KIAA0825: variants seen among roughly 807,000 people sequenced by gnomAD.
The protein encoded by KIAA0825 is KIAA0825, also known as uncharacterized protein KIAA0825.
KIAA0825 carries 119 observed loss-of-function variants against 147.6 expected under a neutral mutation model. That is an observed-to-expected ratio of 0.81 (90% CI 0.69 to 0.94). The LOEUF is 0.94. KIAA0825 is among the 40% of genes least tolerant of loss of function. The probability of loss-of-function intolerance (pLI) is 0.00; values close to 1 mark genes in which losing one functional copy is unlikely to be tolerated. For missense variants in KIAA0825, 1,381 were observed against 1,472.7 expected (o/e 0.94, Z 1.02); for synonymous variants, 470 against 518.1 (o/e 0.91, Z 1.26).
chr5:94,578,225 T>G (rs909615132), intron 2 of KIAA0825, among the ~76,000 whole-genome samples: 2 of 152,250 alleles, frequency 1.3e-5, no homozygotes, highest in African/African-American at 4.8e-5. Context: ...TAGTTAATAT[T>G]TATTCACTTA....
intron 20 of KIAA0825, among the ~76,000 whole-genome samples, chr5:94,302,169 C>T (rs374978033): frequency 1.3e-5 from 2 of 152,068 alleles, no homozygotes; most frequent in African/African-American, 4.8e-5. Context: ...AGTCCAAATA[C>T]AGTAGAGATA....
intron 16 of KIAA0825, among the ~76,000 whole-genome samples, chr5:94,403,364 A>G (rs142554627): frequency 6.4e-4 from 98 of 152,334 alleles, no homozygotes; most frequent in African/African-American, 2.2e-3. Context: ...AATAAAGACT[A>G]TGACCATTTG....
intron 20 of KIAA0825, among the ~76,000 whole-genome samples, chr5:94,308,770 G>A (rs1444072654): frequency 6.6e-6 from 1 of 151,720 alleles, no homozygotes; most frequent in African/African-American, 2.4e-5. Context: ...ATCTTAAGAG[G>A]TCTTTCAGTC....
chr5:94,151,135 T>C lies in KIAA0825; in HGVS notation c.*2872A>G, dbSNP rs991182788. ...ACTTCTTATTATACTTAAAAAAACATGGCCGGGCGCGGTGGCTCACGCCTG... is the reference window on the plus strand; with the variant it reads ...ACTTCTTATTATACTTAAAAAAACACGGCCGGGCGCGGTGGCTCACGCCTG... On this transcript the variant is annotated 3_prime_UTR_variant, in exon 21 of 21. Transcript: ENST00000682413. 1.3e-5 allele frequency among the ~76,000 whole-genome samples: 2 copies of C among 151,986 alleles called. No individual in the cohort carries two copies. Among genetic ancestry groups the C allele is most frequent in the South Asian group, 2.1e-4 (1 of 4,828 alleles).
intron 14 of KIAA0825, among the ~76,000 whole-genome samples, chr5:94,435,836 T>C (rs995684581): frequency 6.6e-6 from 1 of 152,186 alleles, no homozygotes; most frequent in Non-Finnish European, 1.5e-5. Flanking sequence ...AGATAGTATC[T>C]CATTGTAGTT....
At chr5:94,186,558 A>G (rs1176945680) in intron 20 of KIAA0825, among the ~76,000 whole-genome samples, 1 of 152,252 alleles carries the variant, frequency 6.6e-6, no homozygotes, top group Non-Finnish European at 1.5e-5. Flanking sequence ...TGAAAAGTAC[A>G]TGGCAAAGTT....
chr5:94,587,938 T>C (rs994274829), intron 1 of KIAA0825, among the ~76,000 whole-genome samples: 6 of 152,134 alleles, frequency 3.9e-5, no homozygotes, highest in Non-Finnish European at 7.4e-5. Context: ...AAACAAGCAA[T>C]GGGGAAAGGA....
At chr5:94,358,030 GTATC>G (rs1744532958) in intron 20 of KIAA0825, among the ~76,000 whole-genome samples, 1 of 151,952 alleles carries the variant, frequency 6.6e-6, no homozygotes, top group African/African-American at 2.4e-5. Context: ...GCTATACACA[GTATC>G]TATCTTCATC....
At chr5:94,452,652 G>C (rs1758563170) in intron 13 of KIAA0825, among the ~76,000 whole-genome samples, 1 of 152,134 alleles carries the variant, frequency 6.6e-6, no homozygotes, top group Non-Finnish European at 1.5e-5. Context: ...TAATTAGCTT[G>C]AGAACTGCCA....
At chr5:94,190,223 A>G (rs888572603) in intron 20 of KIAA0825, among the ~76,000 whole-genome samples, 23 of 152,222 alleles carry the variant, frequency 1.5e-4, no homozygotes, top group Admixed American at 1.5e-3. Context: ...ATTTGCAAAG[A>G]AGGACATCTT....
intron 20 of KIAA0825, among the ~76,000 whole-genome samples, chr5:94,323,828 A>G (rs1780435218): frequency 6.6e-6 from 1 of 151,990 alleles, no homozygotes; most frequent in Non-Finnish European, 1.5e-5. Context: ...TTTATACCCT[A>G]TTACCTTCAA....
At chr5:94,513,512 T>A (rs1766792460) in intron 5 of KIAA0825, among the ~76,000 whole-genome samples, 1 of 152,202 alleles carries the variant, frequency 6.6e-6, no homozygotes. Flanking sequence ...ATTCTTCCTA[T>A]ATGGAAGAAA....
In KIAA0825 at chr5:94,386,413, A is replaced by G; in HGVS notation, c.3457-9T>C. 2 of 1,540,628 alleles carry G rather than the reference A, an allele frequency of 1.3e-6. No homozygotes were observed. Among genetic ancestry groups the G allele is most frequent in the South Asian group, 1.2e-5 (1 of 82,442 alleles). On this transcript the variant is annotated splice_polypyrimidine_tract_variant and intron_variant, in intron 18 of 20. Transcript: ENST00000682413. The stretch of plus-strand genomic sequence containing the variant: ...TGTTCTTTTAAATATTCCTTCAAAG[A>G]AAAGAAATTACAAGTTGTGACGGTG...
rs779873863 is a variant in KIAA0825, at chr5:94,520,676, T to C, written c.542A>G (p.Glu181Gly). ...AATTTTTTGCTGTGAATTGTTTATTTCATTATGGCTTTGTAATTTGCTCAC... is the reference window on the plus strand; with the variant it reads ...AATTTTTTGCTGTGAATTGTTTATTCCATTATGGCTTTGTAATTTGCTCAC... The part of the protein sequence containing the change: ...FLVSKLQSHN[E>G]INNSQQKILL... The change falls in exon 5 of 21, where the codon GAA (glutamate) becomes GGA (glycine). Residue 181 changes from glutamate to glycine, a missense_variant. By Grantham distance (98) the Glu-to-Gly change is moderately conservative. Transcript: ENST00000682413. 1 of 1,613,490 alleles carries C rather than the reference T, an allele frequency of 6.2e-7. No individual in the cohort carries two copies. The highest frequency in any genetic ancestry group is 2.2e-5 in the East Asian group (1 of 44,862).
At chr5:94,556,609 T>C (rs1477681248) in intron 2 of KIAA0825, among the ~76,000 whole-genome samples, 2 of 152,218 alleles carry the variant, frequency 1.3e-5, no homozygotes, top group African/African-American at 4.8e-5. Context: ...TAGCTTAACT[T>C]TAATTTGATT....
At chr5:94,439,509 C>A (rs954021150) in intron 14 of KIAA0825, among the ~76,000 whole-genome samples, 2 of 152,062 alleles carry the variant, frequency 1.3e-5, no homozygotes, top group African/African-American at 4.8e-5. Context: ...CTCTGTGCTC[C>A]AACGGATATA....
intron 14 of KIAA0825, among the ~76,000 whole-genome samples, chr5:94,418,134 G>A (rs946030021): frequency 3.9e-5 from 6 of 152,058 alleles, no homozygotes; most frequent in African/African-American, 1.4e-4. Context: ...TTGGGTTAAA[G>A]GTAACAAATT....
intron 2 of KIAA0825, among the ~76,000 whole-genome samples, chr5:94,546,687 C>T (rs972842957): frequency 6.7e-6 from 1 of 150,266 alleles, no homozygotes; most frequent in African/African-American, 2.5e-5. Flanking sequence ...GCATGGGGCC[C>T]AAGTCCCTTC....
intron 13 of KIAA0825, among the ~76,000 whole-genome samples, chr5:94,450,722 G>T (rs1562509066): frequency 6.6e-6 from 1 of 152,222 alleles, no homozygotes; most frequent in East Asian, 1.9e-4. Context: ...AATTTTGGAG[G>T]ATACATTCAG....
Sources: allele counts gnomAD v4.1 joint callset (sites outside exome capture counted in the v4.1 genomes callset), GRCh38; gene constraint gnomAD v4.1.1; transcripts MANE v1.5; gene names NCBI Gene and HGNC (gene_info 2026-07-23, HGNC 2026-07-21).